IKBIP: variants seen among roughly 807,000 people sequenced by gnomAD.
IKBIP encodes inhibitor of nuclear factor kappa-B kinase-interacting protein.
A neutral mutation model predicts 31.0 loss-of-function variants in IKBIP; 28 were observed. That is an observed-to-expected ratio of 0.90 (90% confidence interval 0.67 to 1.24). The LOEUF is 1.24. IKBIP is among the 50% of genes most tolerant of loss of function. The pLI is 0.00. For synonymous variants in IKBIP, 164 were observed against 160.3 expected (o/e 1.02, Z -0.17); for missense variants, 453 against 441.9 (o/e 1.03, Z -0.23).
At chr12:98,637,039 T>C (rs2097626336) in intron 1 of IKBIP, among the ~76,000 whole-genome samples, 2 of 152,348 alleles carry the variant, frequency 1.3e-5, no homozygotes, top group Admixed American at 1.3e-4. Flanking sequence ...ATCATTATTA[T>C]AAGAGACTTT....
At chr12:98,619,382 A>AAG (rs56224849), downstream of IKBIP, among the ~76,000 whole-genome samples, 15,922 of 152,282 alleles carry the variant, frequency 0.1, 1,043 homozygotes, top group Non-Finnish European at 0.14. Context: ...GCTTATTCTT[A>AAG]GAAGGATCAG....
chr12:98,619,373 C>T (rs1039599197), downstream of IKBIP, among the ~76,000 whole-genome samples: 1 of 149,714 alleles, frequency 6.7e-6, no homozygotes, highest in Non-Finnish European at 1.5e-5. Flanking sequence ...ATGAGCTTAG[C>T]TTATTCTTAG....
At chr12:98,632,512 A>AAATATATAT (rs1565842287) in intron 2 of IKBIP, among the ~76,000 whole-genome samples, 1 of 22,794 alleles carries the variant, frequency 4.4e-5, no homozygotes, top group Admixed American at 1.0e-3. Context: ...AAAAAAAAAA[A>AAATATATAT]ATATATATAT....
Position 98,613,750 on chromosome 12 carries a change from T to C in IKBIP, c.888A>G (p.Pro296=), listed in dbSNP as rs755609203. The C allele has an allele frequency of 3.5e-5, 57 of 1,612,434 alleles. No individual in the cohort carries two copies. The East Asian group carries it at 1.3e-3, about 36-fold the overall frequency. Reference sequence around the variant, plus strand: ...TGCGTAGTGTTAAATCATTTACTAATGGTTCTAAACGGGAAAAGTCCTTCT... The same window carrying C: ...TGCGTAGTGTTAAATCATTTACTAACGGTTCTAAACGGGAAAAGTCCTTCT... The change falls in exon 3 of 3, where the codon CCA becomes CCG. Residue 296 remains proline (P), a synonymous_variant. Coordinates refer to the IKBIP transcript ENST00000342502.
In IKBIP at chr12:98,624,750, T is replaced by A; in HGVS notation, c.*1180A>T. 1 of 891,886 alleles carries A rather than the reference T, an allele frequency of 1.1e-6. No homozygotes were observed. The highest frequency in any genetic ancestry group is 1.3e-6 in the Non-Finnish European group (1 of 744,874). 55.2% of individuals were successfully genotyped at this position (891,886 alleles called of 1,614,324 possible). A position where few individuals can be genotyped will look rare whatever the true frequency, so the allele number is the denominator to read the frequency against. On this transcript the variant is annotated 3_prime_UTR_variant, in exon 3 of 3. Transcript: ENST00000299157. ...TAACTATCATAGTTATTATCATAAT[T>A]AATTATCAGAGTTATGTTACTTTTC...
intron 2 of IKBIP, among the ~76,000 whole-genome samples, chr12:98,628,469 AT>A (rs1371466594): frequency 6.6e-6 from 1 of 152,154 alleles, no homozygotes. Flanking sequence ...TCCCTATGCT[AT>A]CCTCCTCTCC....
chr12:98,637,697 G>A (rs1030148810), intron 1 of IKBIP, among the ~76,000 whole-genome samples: 12 of 151,956 alleles, frequency 7.9e-5, no homozygotes, highest in African/African-American at 2.7e-4. Context: ...GTGAGCCACC[G>A]CGCCCGGCTT....
Position 98,626,275 on chromosome 12 carries a change from T to C in IKBIP, c.789A>G (p.Glu263=). The change falls in exon 3 of 3, where the codon GAA becomes GAG. Residue 263 remains glutamate, a synonymous_variant. Coordinates refer to ENST00000299157, the MANE Select transcript of IKBIP (RefSeq NM_153687.4). The stretch of plus-strand genomic sequence containing the variant: ...GTGTCTTGCATTCTTCAACTTTGGG[T>C]TCGTAGTCGGAAAGTTTATTAGTCA... The part of the protein sequence containing the change: ...EDLTNKLSDY[E]PKVEECKTHL... 1 of 1,614,184 alleles carries C rather than the reference T, an allele frequency of 6.2e-7. No individual in the cohort carries two copies. Among genetic ancestry groups the C allele is most frequent in the Non-Finnish European group, 8.5e-7 (1 of 1,180,006 alleles).
chr12:98,615,180 T>C (rs1297939026), intron 2 of IKBIP, among the ~76,000 whole-genome samples: 1 of 152,156 alleles, frequency 6.6e-6, no homozygotes, highest in Non-Finnish European at 1.5e-5. Context: ...ATCTATCACC[T>C]CATGTATTTT....
chr12:98,636,238 T>C (rs1261823289), intron 1 of IKBIP, among the ~76,000 whole-genome samples: 1 of 152,246 alleles, frequency 6.6e-6, no homozygotes, highest in Non-Finnish European at 1.5e-5. Context: ...TTAACAAATC[T>C]GATGCCTGGG....
chr12:98,613,708 G>A (rs765263254), exon 3 of IKBIP: 37 of 1,611,062 alleles, frequency 2.3e-5, no homozygotes, highest in Admixed American at 1.5e-4. Flanking sequence ...GTAGTAAGTC[G>A]GTAACCAATC....
intron 2 of IKBIP, among the ~76,000 whole-genome samples, chr12:98,618,625 CAAA>C (rs78129850): frequency 7.9e-6 from 1 of 126,834 alleles, no homozygotes. Flanking sequence ...GACTCTGTCT[CAAA>C]AAAAAAAAAA....
downstream of IKBIP, among the ~76,000 whole-genome samples, chr12:98,622,297 G>A (rs1307850104): frequency 6.6e-6 from 1 of 152,078 alleles, no homozygotes; most frequent in Admixed American, 6.6e-5. Flanking sequence ...AAGACCAGAT[G>A]GGAGAACTGC....
chr12:98,644,536 G>T lies in IKBIP; in HGVS notation c.166C>A (p.Leu56Met). The T allele has an allele frequency of 1.2e-6, 2 of 1,602,724 alleles. No homozygotes were observed. Among genetic ancestry groups the T allele is most frequent in the Non-Finnish European group, 1.7e-6 (2 of 1,175,590 alleles). The change falls in exon 1 of 3, where the codon CTG (leucine) becomes ATG (methionine). Residue 56 changes from leucine (L) to methionine (M), a missense_variant. Leu to Met is a conservative substitution (Grantham distance 15). Coordinates refer to ENST00000299157, the MANE Select transcript of IKBIP (RefSeq NM_153687.4). Reference sequence around the variant, plus strand: ...GCGTCCACTTACCAGGCCAGGCCCAGGCACGTCCCCAGCGACAGCAGGCTC... The same window carrying T: ...GCGTCCACTTACCAGGCCAGGCCCATGCACGTCCCCAGCGACAGCAGGCTC... ...CLSLLSLGTCLGLAWFVFQQS... is the reference protein window; with the variant it reads ...CLSLLSLGTCMGLAWFVFQQS...
downstream of IKBIP, among the ~76,000 whole-genome samples, chr12:98,623,439 C>CTCA (rs71081869): frequency 0.19 from 28,295 of 149,586 alleles, 3,186 homozygotes; most frequent in Non-Finnish European, 0.2. Context: ...GACATGAGGT[C>CTCA]TCACCATGTT....
intron 2 of IKBIP, among the ~76,000 whole-genome samples, chr12:98,616,358 T>C (rs905922806): frequency 1.3e-5 from 2 of 152,118 alleles, no homozygotes; most frequent in Non-Finnish European, 2.9e-5. Context: ...TGCTATTGAG[T>C]TGAGTTCCTT....
chr12:98,644,018 T>C (rs549340496), intron 1 of IKBIP, among the ~76,000 whole-genome samples: 1 of 152,298 alleles, frequency 6.6e-6, no homozygotes, highest in South Asian at 2.1e-4. Context: ...GGTTTCACCA[T>C]GTTGGCCAGG....
rs774469416 is a variant in IKBIP, at chr12:98,624,865, C to T, written c.*1065G>A. The T allele has an allele frequency of 2.5e-5, 13 of 510,168 alleles. No individual in the cohort carries two copies. Among genetic ancestry groups the T allele is most frequent in the African/African-American group, 4.2e-5 (2 of 48,108 alleles). 31.6% of individuals were successfully genotyped at this position (510,168 alleles called of 1,614,324 possible). ...TGCCACTCAGGCTGGAGTGCAGTGGCGCGATCTCGGCTCACTGCAAGCTCT... is the reference window on the plus strand; with the variant it reads ...TGCCACTCAGGCTGGAGTGCAGTGGTGCGATCTCGGCTCACTGCAAGCTCT... On this transcript the variant is annotated 3_prime_UTR_variant, in exon 3 of 3. Coordinates refer to ENST00000299157, the MANE Select transcript of IKBIP (RefSeq NM_153687.4).
downstream of IKBIP, among the ~76,000 whole-genome samples, chr12:98,621,292 G>C (rs1464008878): frequency 6.6e-6 from 1 of 152,062 alleles, no homozygotes; most frequent in Non-Finnish European, 1.5e-5. Flanking sequence ...CTAAAATAAA[G>C]TGCCCAGAAT....
Sources: allele counts gnomAD v4.1 joint callset (sites outside exome capture counted in the v4.1 genomes callset), GRCh38; gene constraint gnomAD v4.1.1; transcripts MANE v1.5; gene names NCBI Gene and HGNC (gene_info 2026-07-23, HGNC 2026-07-21).